The following STX2 variants were observed in gnomAD, a reference collection of about 807,000 sequenced individuals.
The protein encoded by STX2 is syntaxin 2, also known as syntaxin-2.
STX2 carries 27 observed loss-of-function variants against 40.6 expected under a neutral mutation model. The observed-to-expected ratio is 0.66, with a 90% CI of 0.49 to 0.92. The LOEUF is 0.92. Among genes scored for constraint, STX2 ranks in the 40% least tolerant of loss-of-function variants. The pLI, the probability that STX2 is intolerant of heterozygous loss-of-function variation, is 0.00. For missense variants in STX2, 328 were observed against 366.1 expected, an observed-to-expected ratio of 0.90 and a Z score of 0.85; for synonymous variants, 123 against 119.1, an observed-to-expected ratio of 1.03 and a Z score of -0.22.
chr12:130,833,247 C>G (rs1486406591), intron 1 of STX2, among the ~76,000 whole-genome samples: 1 of 151,866 alleles, frequency 6.6e-6, no homozygotes, highest in East Asian at 1.9e-4. Flanking sequence ...CAAACGTCAA[C>G]AAACGGAAAC....
intron 6 of STX2, among the ~76,000 whole-genome samples, chr12:130,806,760 C>A (rs1370549651): frequency 1.3e-5 from 2 of 152,180 alleles, no homozygotes; most frequent in African/African-American, 4.8e-5. Flanking sequence ...ACTCTAAAAG[C>A]AACAGCAATG....
chr12:130,811,899 T>C (rs1318268874), intron 4 of STX2, among the ~76,000 whole-genome samples: 4 of 152,120 alleles, frequency 2.6e-5, no homozygotes, highest in Non-Finnish European at 4.4e-5. Flanking sequence ...TGCTGCATCT[T>C]TACATTTTAA....
intron 1 of STX2, among the ~76,000 whole-genome samples, chr12:130,830,167 A>T (rs1308072029): frequency 6.6e-6 from 1 of 152,068 alleles, no homozygotes; most frequent in African/African-American, 2.4e-5. Context: ...TACCCCCCAC[A>T]CCACAAGACC....
chr12:130,809,370 G>C (rs1951560481), intron 4 of STX2, among the ~76,000 whole-genome samples: 1 of 152,172 alleles, frequency 6.6e-6, no homozygotes, highest in Non-Finnish European at 1.5e-5. Context: ...GATGAAGAAA[G>C]AAGCTAGACT....
chr12:130,806,035 C>T (rs944966176), intron 6 of STX2, among the ~76,000 whole-genome samples: 4 of 152,094 alleles, frequency 2.6e-5, no homozygotes, highest in African/African-American at 4.8e-5. Flanking sequence ...CCAGTGTCTC[C>T]GATGAAACAT....
chr12:130,832,480 C>G (rs1419210373), intron 1 of STX2, among the ~76,000 whole-genome samples: 5 of 152,100 alleles, frequency 3.3e-5, no homozygotes. Flanking sequence ...CTTCACTAAA[C>G]AATGCCAAAT....
intron 4 of STX2, among the ~76,000 whole-genome samples, chr12:130,810,325 A>T (rs1402021274): frequency 6.6e-6 from 1 of 152,212 alleles, no homozygotes; most frequent in East Asian, 1.9e-4. Flanking sequence ...TTCTTAATTT[A>T]ATTTGGATTC....
chr12:130,819,572 C>G (rs1219449277), intron 3 of STX2, among the ~76,000 whole-genome samples: 1 of 152,046 alleles, frequency 6.6e-6, no homozygotes, highest in African/African-American at 2.4e-5. Flanking sequence ...TAAATTTACT[C>G]AAAAAATAGT....
rs1240424500 is a variant in STX2 at position 130,801,238 on chromosome 12, C to T, written c.590G>A (p.Arg197His). 5.0e-6 allele frequency: 8 copies of T among 1,613,746 alleles called. No individual in the cohort carries two copies. The highest frequency in any genetic ancestry group is 1.7e-5 in the Admixed American group (1 of 60,016). ...CTCCAGCTTCATGATGTCCTTGTGA[C>T]GTGACTCGATTTCATTGAGAGCTTG... ...TRQALNEIES[R>H]HKDIMKLETS... is the part of the protein sequence containing the mutation. Residue 197 changes from arginine (R) to histidine (H), a missense_variant, in exon 8 of 11, where the codon CGT (arginine) becomes CAT (histidine). Coordinates refer to ENST00000392373, the MANE Select transcript of STX2 (RefSeq NM_194356.4).
In STX2 at chr12:130,801,418, G is replaced by A. The variant is rs144453678; in HGVS notation, c.534C>T (p.Ser178=). 222 of 1,609,284 alleles carry A rather than the reference G, an allele frequency of 1.4e-4. No homozygotes were observed. In the African/African-American group the frequency reaches 2.3e-3, roughly 17 times the overall value. The change falls in exon 7 of 11, where the codon TCC becomes TCT. Residue 178 remains serine (S), a synonymous_variant. Coordinates refer to ENST00000392373, the MANE Select transcript of STX2 (RefSeq NM_194356.4). ...ACAGGGCCGCACCCCCACTCACGTC[G>A]GAAGTGAAGATGGATGGCTTCCCGC... ...LESGKPSIFT[S]DIISDSQITR... is the part of the protein sequence containing the mutation.
chr12:130,793,468 C>T (rs10219741), intron 10 of STX2, among the ~76,000 whole-genome samples: 3,506 of 151,902 alleles, frequency 0.023, 59 homozygotes, highest in Non-Finnish European at 0.035. Context: ...AGCGTGCTCT[C>T]ATCTCCTGCT....
Position 130,792,406 on chromosome 12 carries a change from G to A in STX2, c.*46-429C>T, listed in dbSNP as rs113728952. On this transcript the variant is annotated intron_variant, in intron 10 of 10. Coordinates refer to ENST00000392373, the MANE Select transcript of STX2 (RefSeq NM_194356.4). ...AAAACTCCAGGATTGCTTTTAATTG[G>A]ATGAATTACACATATTTGTAAAACT... Among the ~76,000 whole-genome samples, 596 of 152,248 alleles carry A rather than the reference G, an allele frequency of 3.9e-3. 1 individual carries two copies. The highest frequency in any genetic ancestry group is 0.014 in the African/African-American group (563 of 41,542).
chr12:130,817,283 T>G (rs1951895813), intron 3 of STX2, among the ~76,000 whole-genome samples: 1 of 152,146 alleles, frequency 6.6e-6, no homozygotes, highest in African/African-American at 2.4e-5. Context: ...AGGAACCAAG[T>G]GGAATTCTAG....
rs7963785 is a variant in STX2 at position 130,821,457 on chromosome 12, A to G, written c.205+232T>C. Among the ~76,000 whole-genome samples, 1,046 of 152,264 alleles carry G rather than the reference A, an allele frequency of 6.9e-3. 8 individuals are homozygous for G. Among genetic ancestry groups the G allele is most frequent in the African/African-American group, 0.024 (990 of 41,556 alleles). On this transcript the variant is annotated intron_variant, in intron 3 of 10. Transcript: ENST00000392373. ...TGTATTCTTTAGGACATGATCCATC[A>G]GTGGGCCTCACCCTGGCTGACCACT...
intron 5 of STX2, among the ~76,000 whole-genome samples, chr12:130,807,759 A>G (rs576351223): frequency 1.3e-4 from 20 of 152,338 alleles, no homozygotes; most frequent in African/African-American, 4.8e-4. Context: ...TCTTCACAAT[A>G]AAGAGATTTC....
chr12:130,833,592 G>A (rs992175510), intron 1 of STX2, among the ~76,000 whole-genome samples: 1 of 152,014 alleles, frequency 6.6e-6, no homozygotes, highest in Non-Finnish European at 1.5e-5. Context: ...TGCATCTTTA[G>A]TAGAGACGAG....
chr12:130,812,118 C>T lies in STX2; in HGVS notation c.280+839G>A. On this transcript the variant is annotated intron_variant, in intron 4 of 10. Transcript: ENST00000392373. ...GAGAAAAATCATGAAGGGAGAATCT[C>T]ATTTTTAAAAGCCAGGGTTTGGTCC... 2.5e-5 allele frequency: 6 copies of T among 241,866 alleles called. 1 individual carries two copies. The South Asian group carries it at 2.6e-4, about 10-fold the overall frequency. 15.0% of individuals were successfully genotyped at this position (241,866 alleles called of 1,614,324 possible).
At chr12:130,826,418 G>A (rs1480562266) in intron 2 of STX2, among the ~76,000 whole-genome samples, 1 of 152,174 alleles carries the variant, frequency 6.6e-6, no homozygotes, top group East Asian at 1.9e-4. Flanking sequence ...AGGAGGCGGT[G>A]CTCCTGCAGC....
chr12:130,808,204 T>A (rs915376828), intron 5 of STX2, among the ~76,000 whole-genome samples: 1 of 152,134 alleles, frequency 6.6e-6, no homozygotes, highest in African/African-American at 2.4e-5. Flanking sequence ...GAGTGCAGAA[T>A]CGACCCCCAC....
Sources: allele counts gnomAD v4.1 joint callset (sites outside exome capture counted in the v4.1 genomes callset), GRCh38; gene constraint gnomAD v4.1.1; transcripts MANE v1.5; gene names NCBI Gene and HGNC (gene_info 2026-07-23, HGNC 2026-07-21).